The following ZNF700 variants were observed in gnomAD, a reference collection of about 807,000 sequenced individuals.
ZNF700 encodes the protein zinc finger protein 700.
A neutral mutation model predicts 65.3 loss-of-function variants in ZNF700; 38 were observed. The observed-to-expected ratio is 0.58, with a 90% CI of 0.45 to 0.76. The LOEUF is 0.76. Among genes scored for constraint, ZNF700 ranks in the 30% least tolerant of loss-of-function variants. The pLI is 0.00. For synonymous variants in ZNF700, 285 were observed against 290.4 expected, an observed-to-expected ratio of 0.98 and a Z score of 0.19; for missense variants, 857 against 888.4, an observed-to-expected ratio of 0.96 and a Z score of 0.45.
In ZNF700 at chr19:11,950,402, G is replaced by A; in HGVS notation, c.*149G>A. The A allele has an allele frequency of 2.3e-6, 2 of 863,100 alleles. No individual in the cohort carries two copies. The highest frequency in any genetic ancestry group is 3.8e-6 in the Non-Finnish European group (2 of 526,324). 53.5% of individuals were successfully genotyped at this position (863,100 alleles called of 1,614,324 possible). ...GAGAAACCCTATCAATGTAAGCAGT[G>A]TGGGAAAGCCTTCATTCCTTTTACT... On this transcript the variant is annotated 3_prime_UTR_variant, in exon 4 of 4. Coordinates refer to ENST00000254321, the MANE Select transcript of ZNF700 (RefSeq NM_144566.3).
rs774533011 is a variant in ZNF700 at position 11,948,648 on chromosome 19, C to G, written c.624C>G (p.Ser208Arg). ...GAAAAACCTTTATTTTCCATTCAAGCATTCGAAGACACATGGTAATGCACA... is the reference window on the plus strand; with the variant it reads ...GAAAAACCTTTATTTTCCATTCAAGGATTCGAAGACACATGGTAATGCACA... ...VCGKTFIFHS[S>R]IRRHMVMHSG... The change falls in exon 4 of 4, where the codon AGC (serine) becomes AGG (arginine). Residue 208 changes from serine to arginine, a missense_variant. This residue lies in a region of ZNF700 where 603 missense variants were observed against 619.9 expected (regional missense o/e 0.97). Transcript: ENST00000254321. The G allele has an allele frequency of 6.2e-7, 1 of 1,611,376 alleles. No individual in the cohort carries two copies. Among genetic ancestry groups the G allele is most frequent in the Admixed American group, 1.7e-5 (1 of 59,066 alleles).
rs75870161 is a variant in ZNF700 at position 11,932,440 on chromosome 19, T to C, written c.63+7167T>C. Reference sequence around the variant, plus strand: ...CTGAGATTTATTTCTGTATAGAGTGTGCATTCTAGAAACTAACTAAAAGTA... The same window carrying C: ...CTGAGATTTATTTCTGTATAGAGTGCGCATTCTAGAAACTAACTAAAAGTA... On this transcript the variant is annotated intron_variant, in intron 1 of 3. Coordinates refer to ENST00000254321, the MANE Select transcript of ZNF700 (RefSeq NM_144566.3). Among the ~76,000 whole-genome samples the C allele has an allele frequency of 6.5e-3, 971 of 148,584 alleles. 166 individuals are homozygous for C. Among genetic ancestry groups the C allele is most frequent in the African/African-American group, 0.025 (951 of 38,168 alleles).
chr19:11,935,797 T>A (rs1467250419), intron 1 of ZNF700, among the ~76,000 whole-genome samples: 1 of 152,202 alleles, frequency 6.6e-6, no homozygotes, highest in Non-Finnish European at 1.5e-5. Context: ...CGTGTTGGTT[T>A]GTTGCACCCA....
chr19:11,948,680 A>T lies in ZNF700; in HGVS notation c.656A>T (p.Asp219Val), dbSNP rs758085351. ...AGACACATGGTAATGCACAGTGGGG[A>T]TGGAACTTATAAATGTAAATTTTGT... ...IRRHMVMHSG[D>V]GTYKCKFCGK... The change falls in exon 4 of 4, where the codon GAT (aspartate) becomes GTT (valine). Residue 219 changes from aspartate to valine, a missense_variant. By Grantham distance (152) the Asp-to-Val change is radical. Coordinates refer to ENST00000254321, the MANE Select transcript of ZNF700 (RefSeq NM_144566.3). 6.2e-7 allele frequency: 1 copy of T among 1,612,254 alleles called. No individual in the cohort carries two copies. The highest frequency in any genetic ancestry group is 2.2e-5 in the East Asian group (1 of 44,858).
rs771808102 is a variant in ZNF700 at position 11,925,247 on chromosome 19, C to G, written c.37C>G (p.Pro13Ala). Residue 13 changes from proline to alanine, a missense_variant, in exon 1 of 4, where the codon CCC becomes GCC. Transcript: ENST00000254321. ...CCSHRSCRED[P>A]GTSESREMDP... ...TAGTCACAGGAGCTGTAGAGAGGAC[C>G]CCGGTACATCTGAAAGCCGGGAAAT... is the stretch of plus-strand genomic sequence containing the variant. 3.1e-6 allele frequency: 5 copies of G among 1,613,112 alleles called. No individual in the cohort carries two copies. Among genetic ancestry groups the G allele is most frequent in the Admixed American group, 1.7e-5 (1 of 59,984 alleles).
chr19:11,932,612 T>G (rs981167375), intron 1 of ZNF700, among the ~76,000 whole-genome samples: 2 of 145,974 alleles, frequency 1.4e-5, no homozygotes, highest in Non-Finnish European at 2.9e-5. Context: ...TTTTTGCATG[T>G]TTTTTATGCA....
intron 1 of ZNF700, 95 bp downstream of exon 1, chr19:11,925,368 G>A (rs1443076971): frequency 1.9e-6 from 3 of 1,561,694 alleles, no homozygotes; most frequent in African/African-American, 2.7e-5. Context: ...CCCTGTGGGC[G>A]ACTCCGGGGT....
intron 1 of ZNF700, among the ~76,000 whole-genome samples, chr19:11,925,502 C>T (rs1050129139): frequency 9.2e-5 from 14 of 152,264 alleles, no homozygotes; most frequent in African/African-American, 3.4e-4. Flanking sequence ...GGCCGCGGCC[C>T]CTGCCCCGGA....
intron 2 of ZNF700, 67 bp downstream of exon 2, chr19:11,947,374 T>C (rs1972976584): frequency 1.2e-6 from 2 of 1,608,712 alleles, no homozygotes; most frequent in Non-Finnish European, 1.7e-6. Context: ...ATGAATGCTG[T>C]TGAGTGATTT....
rs559868416 is a variant in ZNF700 at position 11,947,117 on chromosome 19, A to G, written c.64-64A>G. On this transcript the variant is annotated intron_variant, in intron 1 of 3. Transcript: ENST00000254321. ...AGCATCCTGAGAACTTCTTGGGAAT[A>G]GAGTCTAGGCCTCCAGTGCTGTCAC... 44 of 1,563,540 alleles carry G rather than the reference A, an allele frequency of 2.8e-5. No homozygotes were observed. The South Asian group carries it at 3.3e-4, about 12-fold the overall frequency.
At chr19:11,947,619 T>C in intron 3 of ZNF700, 45 bp downstream of exon 3, 4 of 1,511,746 alleles carry the variant, frequency 2.6e-6, no homozygotes, top group Non-Finnish European at 3.6e-6. Context: ...CTGCACAATC[T>C]TAGAATATGA....
At chr19:11,945,715 C>T (rs545820579) in intron 1 of ZNF700, among the ~76,000 whole-genome samples, 25 of 152,018 alleles carry the variant, frequency 1.6e-4, no homozygotes, top group Non-Finnish European at 2.9e-4. Flanking sequence ...CTTCATTCCT[C>T]CTCCTGGGGG....
Position 11,949,122 on chromosome 19 carries a change from A to G in ZNF700, c.1098A>G (p.Ile366Met), listed in dbSNP as rs768243142. 7.5e-5 allele frequency: 121 copies of G among 1,612,338 alleles called. No homozygotes were observed. The highest frequency in any genetic ancestry group is 9.9e-5 in the Non-Finnish European group (117 of 1,179,680). Residue 366 changes from isoleucine (I) to methionine (M), a missense_variant, in exon 4 of 4, where the codon ATA becomes ATG. Ile to Met is a conservative substitution (Grantham distance 10). Around this residue, in one of 3 missense-constraint regions of ZNF700, gnomAD observed 603 missense variants for 619.9 expected, o/e 0.97. Transcript: ENST00000254321. ...NSGERPYKCK[I>M]CGKGFYSAKS... is the part of the protein sequence containing the mutation. ...GAGAAAGACCTTATAAATGTAAGAT[A>G]TGTGGGAAAGGCTTTTATTCTGCCA...
At position 11,949,858 on chromosome 19, in the gene ZNF700, A is replaced by G; in HGVS notation, c.1834A>G (p.Arg612Gly). The stretch of plus-strand genomic sequence containing the variant: ...TGCCTCAAACCTTCGAAAGCATGGT[A>G]GGACTCACACTGGAGAGAAACCCTA... ...SCASNLRKHG[R>G]THTGEKPYEC... Residue 612 changes from arginine (R) to glycine (G), a missense_variant, in exon 4 of 4, where the codon AGG (arginine) becomes GGG (glycine). Arg to Gly is a moderately radical substitution (Grantham distance 125). Coordinates refer to ENST00000254321, the MANE Select transcript of ZNF700 (RefSeq NM_144566.3). 1 of 1,614,108 alleles carries G rather than the reference A, an allele frequency of 6.2e-7. No homozygotes were observed. Among genetic ancestry groups the G allele is most frequent in the Non-Finnish European group, 8.5e-7 (1 of 1,180,030 alleles).
At chr19:11,940,307 T>C (rs1174759940) in intron 1 of ZNF700, among the ~76,000 whole-genome samples, 1 of 152,190 alleles carries the variant, frequency 6.6e-6, no homozygotes, top group South Asian at 2.1e-4. Flanking sequence ...GTCACTGACT[T>C]CAAAAATGAA....
intron 1 of ZNF700, among the ~76,000 whole-genome samples, chr19:11,940,995 T>C (rs1307349938): frequency 6.6e-6 from 1 of 151,564 alleles, no homozygotes; most frequent in African/African-American, 2.4e-5. Context: ...AGAGTGCCGA[T>C]TGGTGTATTT....
At chr19:11,932,394 G>A (rs1972727485) in intron 1 of ZNF700, among the ~76,000 whole-genome samples, 1 of 148,230 alleles carries the variant, frequency 6.7e-6, no homozygotes, top group South Asian at 2.1e-4. Context: ...CTATGCTGTT[G>A]TTGCTGATAA....
At position 11,949,984 on chromosome 19, in the gene ZNF700, G is replaced by A. The variant is rs143985957; in HGVS notation, c.1960G>A (p.Glu654Lys). ...GAAACCCTATGAATGTAAGGAATGC[G>A]AAAAAGCATTCTGTAAATTCTCTTC... ...GEKPYECKEC[E>K]KAFCKFSSFQ... The change falls in exon 4 of 4, where the codon GAA (glutamate) becomes AAA (lysine). Residue 654 changes from glutamate (E) to lysine (K), a missense_variant. Physicochemically the swap from Glu to Lys is moderately conservative, Grantham distance 56 (BLOSUM62 1). Coordinates refer to ENST00000254321, the MANE Select transcript of ZNF700 (RefSeq NM_144566.3). 4.7e-5 allele frequency: 76 copies of A among 1,614,058 alleles called. No homozygotes were observed. Among genetic ancestry groups the A allele is most frequent in the African/African-American group, 2.8e-4 (21 of 75,026 alleles).
At chr19:11,941,153 G>A (rs1332293131) in intron 1 of ZNF700, among the ~76,000 whole-genome samples, 1 of 152,218 alleles carries the variant, frequency 6.6e-6, no homozygotes, top group Non-Finnish European at 1.5e-5. Context: ...ACAGAGTGCC[G>A]ATTGGTGCAT....
Sources: gnomAD v4.1 joint callset for allele counts (sites outside exome capture counted in the v4.1 genomes callset) on GRCh38, gnomAD v4.1.1 for gene constraint, gnomAD v4.1.1 regional missense constraint, MANE v1.5 for transcripts, NCBI Gene and HGNC (gene_info 2026-07-23, HGNC 2026-07-21) for gene names.